Variants in PLCE1 observed in about 807,000 individuals in gnomAD.
PLCE1 encodes 1-phosphatidylinositol 4,5-bisphosphate phosphodiesterase epsilon-1.
A neutral mutation model predicts 242.8 loss-of-function variants in PLCE1; 119 were observed. That is an observed-to-expected ratio of 0.49 (90% CI 0.42 to 0.57). The LOEUF (loss-of-function observed/expected upper bound fraction) is 0.57, where lower values mean the gene tolerates loss of function less well. Ranked by LOEUF, PLCE1 falls within the 20% of genes least tolerant of loss-of-function variation. The probability of loss-of-function intolerance (pLI) is 0.00; values close to 1 mark genes in which losing one functional copy is unlikely to be tolerated. For missense variants in PLCE1, 2,441 were observed against 2,788.8 expected (o/e 0.88, Z 2.81); for synonymous variants, 945 against 1,017.4 (o/e 0.93, Z 1.35).
At chr10:94,227,656 A>G (rs1042428899) in intron 5 of PLCE1, among the ~76,000 whole-genome samples, 2 of 152,190 alleles carry the variant, frequency 1.3e-5, no homozygotes, top group African/African-American at 4.8e-5. Flanking sequence ...GCCAGTCACA[A>G]TCCTACTTCA....
At chr10:94,114,971 A>T (rs933795204) in intron 2 of PLCE1, among the ~76,000 whole-genome samples, 2 of 149,786 alleles carry the variant, frequency 1.3e-5, no homozygotes, top group Admixed American at 6.7e-5. Context: ...CCTGTGTCCA[A>T]GTGTTCTCAT....
chr10:94,212,782 G>A (rs1266890223), intron 4 of PLCE1, among the ~76,000 whole-genome samples: 1 of 152,200 alleles, frequency 6.6e-6, no homozygotes, highest in African/African-American at 2.4e-5. Flanking sequence ...ACAAAACATT[G>A]CTGATCTGTT....
chr10:94,207,410 A>G (rs550762262), intron 4 of PLCE1, among the ~76,000 whole-genome samples: 5 of 152,338 alleles, frequency 3.3e-5, no homozygotes, highest in East Asian at 3.9e-4. Flanking sequence ...CAAAAAGGAA[A>G]AAGGCTGGAA....
chr10:94,252,498 G>T lies in PLCE1; in HGVS notation c.3279G>T (p.Arg1093Ser). 1 of 1,611,380 alleles carries T rather than the reference G, an allele frequency of 6.2e-7. No individual in the cohort carries two copies. Among genetic ancestry groups the T allele is most frequent in the East Asian group, 2.2e-5 (1 of 44,718 alleles). ...TTKKKKKILM[R>S]GESGEVTDDE... ...AGAAAAAGAAGAAAATCCTCATGAG[G>T]GTAGAGTGTTATTTGTTTATTAAGC... The change falls in exon 9 of 33, where the codon AGG becomes AGT. Residue 1093 changes from arginine (R) to serine (S), a missense_variant and splice_region_variant. Arg to Ser is a moderately radical substitution (Grantham distance 110). Coordinates refer to ENST00000371380, the MANE Select transcript of PLCE1 (RefSeq NM_016341.4).
chr10:94,320,601 G>A lies in PLCE1; in HGVS notation c.6343-1300G>A, dbSNP rs764169213. On this transcript the variant is annotated intron_variant, in intron 29 of 32. Transcript: ENST00000371380. ...ACCCATTTCAGTAGCCTGGTCTGGA[G>A]AGATGAGGCTAGAATTCTGGGGATA... is the stretch of plus-strand genomic sequence containing the variant. Among the ~76,000 whole-genome samples, 5 of 152,210 alleles carry A rather than the reference G, an allele frequency of 3.3e-5. No individual in the cohort carries two copies. The South Asian group carries it at 1.0e-3, about 32-fold the overall frequency.
chr10:94,148,504 C>T (rs150612263), intron 3 of PLCE1, among the ~76,000 whole-genome samples: 13 of 152,294 alleles, frequency 8.5e-5, no homozygotes, highest in African/African-American at 2.9e-4. Context: ...CAAGGTGTAT[C>T]GGCCACAATC....
chr10:94,125,342 G>A (rs571792277), intron 2 of PLCE1, among the ~76,000 whole-genome samples: 3 of 152,246 alleles, frequency 2.0e-5, no homozygotes, highest in Admixed American at 2.0e-4. Context: ...AACAGCACTA[G>A]CTTAGACATG....
chr10:94,319,663 C>A (rs1202256122), intron 29 of PLCE1, among the ~76,000 whole-genome samples: 1 of 152,088 alleles, frequency 6.6e-6, no homozygotes, highest in Non-Finnish European at 1.5e-5. Context: ...TTTGTAAAAT[C>A]TATATACAAA....
chr10:94,115,366 C>T (rs1283345128), intron 2 of PLCE1, among the ~76,000 whole-genome samples: 2 of 152,128 alleles, frequency 1.3e-5, no homozygotes, highest in African/African-American at 4.8e-5. Context: ...ATGGTTGAAC[C>T]AGTTTACAGT....
At chr10:94,214,352 T>G (rs973479516) in intron 4 of PLCE1, among the ~76,000 whole-genome samples, 35 of 152,186 alleles carry the variant, frequency 2.3e-4, no homozygotes, top group Non-Finnish European at 2.6e-4. Context: ...ACATACACTC[T>G]CTTCCCCACT....
At chr10:94,268,507 T>C (rs1456152160) in intron 16 of PLCE1, among the ~76,000 whole-genome samples, 1 of 152,238 alleles carries the variant, frequency 6.6e-6, no homozygotes, top group African/African-American at 2.4e-5. Flanking sequence ...TGTAAATGTT[T>C]AGCCAGTTCA....
intron 24 of PLCE1, among the ~76,000 whole-genome samples, chr10:94,302,952 G>T (rs1027300158): frequency 6.6e-5 from 10 of 152,202 alleles, no homozygotes; most frequent in Admixed American, 3.3e-4. Context: ...GTGTTCCTCT[G>T]TCATGAAGTG....
At chr10:94,016,077 T>C (rs1214801067) in intron 1 of PLCE1, among the ~76,000 whole-genome samples, 1 of 152,042 alleles carries the variant, frequency 6.6e-6, no homozygotes, top group Non-Finnish European at 1.5e-5. Context: ...ATAAAACAGG[T>C]GAGAGTATGT....
intron 2 of PLCE1, among the ~76,000 whole-genome samples, chr10:94,102,873 T>G (rs2045590097): frequency 6.6e-6 from 1 of 152,218 alleles, no homozygotes; most frequent in Admixed American, 6.5e-5. Flanking sequence ...CAAAAAGCCC[T>G]GGAATCTCTT....
intron 4 of PLCE1, among the ~76,000 whole-genome samples, chr10:94,214,547 G>A (rs1696621043): frequency 6.6e-6 from 1 of 152,022 alleles, no homozygotes; most frequent in African/African-American, 2.4e-5. Context: ...GATCTTGGTG[G>A]GATGCCAATA....
chr10:94,211,384 C>G (rs1193994259), intron 4 of PLCE1, among the ~76,000 whole-genome samples: 1 of 152,236 alleles, frequency 6.6e-6, no homozygotes, highest in African/African-American at 2.4e-5. Context: ...CATCTGGGCT[C>G]TAGCCTCAGC....
At chr10:94,179,512 G>GTTTTTTTTTGTTTTTTGTTTT (rs750384818) in intron 4 of PLCE1, among the ~76,000 whole-genome samples, 1 of 19,398 alleles carries the variant, frequency 5.2e-5, no homozygotes, top group African/African-American at 1.6e-4. Flanking sequence ...TTTTAGTTTA[G>GTTTTTTTTTGTTTTTTGTTTT]TTTTTTTTTT....
intron 2 of PLCE1, among the ~76,000 whole-genome samples, chr10:94,060,021 C>T (rs2134943595): frequency 6.6e-6 from 1 of 152,172 alleles, no homozygotes; most frequent in South Asian, 2.1e-4. Context: ...TTTTTGTTTG[C>T]TGTCTTAAAA....
intron 1 of PLCE1, among the ~76,000 whole-genome samples, chr10:94,021,942 C>G (rs748461660): frequency 1.3e-5 from 2 of 151,958 alleles, no homozygotes; most frequent in Non-Finnish European, 2.9e-5. Context: ...ACACCTACAG[C>G]TAATATATTA....
Sources: gnomAD v4.1 joint callset for allele counts (sites outside exome capture counted in the v4.1 genomes callset) on GRCh38, gnomAD v4.1.1 for gene constraint, MANE v1.5 for transcripts, NCBI Gene and HGNC (gene_info 2026-07-23, HGNC 2026-07-21) for gene names.